The following ADIPOR1 variants were observed in gnomAD, a reference collection of about 807,000 sequenced individuals.
The protein encoded by ADIPOR1 is adiponectin receptor protein 1.
A neutral mutation model predicts 37.5 loss-of-function variants in ADIPOR1; 15 were observed. The ratio of observed to expected loss-of-function variants is 0.40; its 90% confidence interval spans 0.27 to 0.62. The LOEUF is 0.62. ADIPOR1 is among the 20% of genes least tolerant of loss of function. The pLI is 0.42. For synonymous variants in ADIPOR1, 173 were observed against 173.2 expected (o/e 1.00, Z 0.01); for missense variants, 286 against 478.0 (o/e 0.60, Z 3.75).
chr1:202,944,833 C>T (rs958991049), intron 5 of ADIPOR1, 150 bp downstream of exon 5: 2 of 700,874 alleles, frequency 2.9e-6, no homozygotes, highest in Admixed American at 2.5e-5. Context: ...AGCTTCATCA[C>T]CCCACTATCG....
intron 4 of ADIPOR1, 35 bp downstream of exon 4, chr1:202,946,404 A>G: frequency 6.2e-7 from 1 of 1,612,808 alleles, no homozygotes. Context: ...TTAGGGAGAC[A>G]ACAAATTCCA....
At chr1:202,944,768 TCTCC>T in intron 5 of ADIPOR1, 3 of 393,018 alleles carry the variant, frequency 7.6e-6, no homozygotes, top group Middle Eastern at 6.9e-4. Context: ...ACAATTGGTC[TCTCC>T]ATCTGTTGAA....
intron 1 of ADIPOR1, among the ~76,000 whole-genome samples, chr1:202,956,957 A>G (rs1654810049): frequency 6.6e-6 from 1 of 152,212 alleles, no homozygotes; most frequent in African/African-American, 2.4e-5. Flanking sequence ...AATTAGGTAT[A>G]GTTTTGCGGA....
chr1:202,957,371 C>T (rs1385804323), intron 1 of ADIPOR1, among the ~76,000 whole-genome samples: 1 of 152,018 alleles, frequency 6.6e-6, no homozygotes, highest in East Asian at 1.9e-4. Flanking sequence ...TAGTAAAGTA[C>T]CATGGCCTCC....
intron 1 of ADIPOR1, among the ~76,000 whole-genome samples, chr1:202,955,457 GGGATTACA>G (rs1654746657): frequency 6.6e-6 from 1 of 152,074 alleles, no homozygotes; most frequent in South Asian, 2.1e-4. Context: ...CCAAAGTGCT[GGGATTACA>G]GGTATGAGCC....
chr1:202,952,624 C>T (rs1356618200), intron 1 of ADIPOR1, among the ~76,000 whole-genome samples: 1 of 152,174 alleles, frequency 6.6e-6, no homozygotes, highest in Non-Finnish European at 1.5e-5. Context: ...ACTCCAGGTT[C>T]TCCTGCCTTG....
chr1:202,955,425 T>G (rs550116210), intron 1 of ADIPOR1, among the ~76,000 whole-genome samples: 1 of 152,180 alleles, frequency 6.6e-6, no homozygotes, highest in South Asian at 2.1e-4. Context: ...AAGGTCTCAC[T>G]ATGTTGCCCA....
intron 1 of ADIPOR1, 119 bp downstream of exon 1, chr1:202,958,066 T>C (rs1337404614): frequency 1.3e-5 from 2 of 152,178 alleles, no homozygotes; most frequent in Non-Finnish European, 2.9e-5. Context: ...CCGAGCCCCC[T>C]GGCAAGTCGG....
chr1:202,944,278 G>T, intron 5 of ADIPOR1: 1 of 201,290 alleles, frequency 5.0e-6, no homozygotes, highest in Non-Finnish European at 1.0e-5. Context: ...ACTCAGGAAA[G>T]GCTTTGAAAA....
rs369660216 is a variant in ADIPOR1 at position 202,950,952 on chromosome 1, C to T, written c.119G>A (p.Arg40Gln). The T allele has an allele frequency of 1.9e-6, 3 of 1,614,160 alleles. No individual in the cohort carries two copies. Among genetic ancestry groups the T allele is most frequent in the African/African-American group, 2.7e-5 (2 of 75,028 alleles). The change falls in exon 2 of 8, where the codon CGG (arginine) becomes CAG (glutamine). Residue 40 changes from arginine to glutamine, a missense_variant. Coordinates refer to ENST00000340990, the MANE Select transcript of ADIPOR1 (RefSeq NM_015999.6). ...LGPLLEEKGK[R>Q]VIANPPKAEE... ...TACTTTGGGTGGGTTGGCGATTACC[C>T]GTTTGCCCTTCTCTTCTAGCAGGGG...
intron 2 of ADIPOR1, among the ~76,000 whole-genome samples, chr1:202,950,169 G>C (rs7553757): frequency 6.6e-6 from 1 of 152,056 alleles, no homozygotes; most frequent in East Asian, 2.0e-4. Context: ...CACTATGTTG[G>C]CCAGGCTGGT....
At position 202,948,410 on chromosome 1, in the gene ADIPOR1, T is replaced by G; in HGVS notation, c.152A>C (p.Glu51Ala). ...TTCCTGGGGCACTGGGCATGTTTGC[T>G]CTTCTTCAGCCTATGGGGGAAAAAA... The part of the protein sequence containing the change: ...VIANPPKAEE[E>A]QTCPVPQEEE... The change falls in exon 3 of 8, where the codon GAG becomes GCG. Residue 51 changes from glutamate (E) to alanine (A), a missense_variant. Glu to Ala is a moderately radical substitution (Grantham distance 107). Transcript: ENST00000340990. 1.2e-6 allele frequency: 2 copies of G among 1,613,804 alleles called. No homozygotes were observed. The highest frequency in any genetic ancestry group is 1.7e-6 in the Non-Finnish European group (2 of 1,179,832).
rs112936913 is a variant in ADIPOR1, at chr1:202,940,932, T to G, written c.*641A>C. 6.6e-6 allele frequency: 1 copy of G among 152,620 alleles called. No homozygotes were observed. The highest frequency in any genetic ancestry group is 2.4e-5 in the African/African-American group (1 of 41,442). The allele number at this position is 152,620 out of a possible 1,614,324, so 9.5% of individuals were successfully genotyped here. A position where few individuals can be genotyped will look rare whatever the true frequency, so the allele number is the denominator to read the frequency against. ...GCAGGTTTCTTTTTAAAGCTTAGTA[T>G]TAAATATTAAATATCTTTCCCCATT... On this transcript the variant is annotated 3_prime_UTR_variant, in exon 8 of 8. Transcript: ENST00000340990.
chr1:202,941,600 G>A lies in ADIPOR1; in HGVS notation c.1101C>T (p.Gly367=), dbSNP rs751810144. The A allele has an allele frequency of 8.2e-5, 132 of 1,613,894 alleles. No homozygotes were observed. Among genetic ancestry groups the A allele is most frequent in the Non-Finnish European group, 1.1e-4 (130 of 1,180,000 alleles). ...NLQEFRYGLE[G]GCTDDTLL ...AGAGAAGGGTGTCATCAGTACAGCC[G>A]CCTTCTAGGCCGTAACGGAATTCCT... The change falls in exon 8 of 8, where the codon GGC becomes GGT. Residue 367 remains glycine (G), a synonymous_variant. Transcript: ENST00000340990.
At position 202,943,810 on chromosome 1, in the gene ADIPOR1, A is replaced by G. The variant is rs1654195882; in HGVS notation, c.753T>C (p.Ile251=). Residue 251 remains isoleucine, a synonymous_variant, in exon 6 of 8, where the codon ATT becomes ATC. Coordinates refer to ENST00000340990, the MANE Select transcript of ADIPOR1 (RefSeq NM_015999.6). ...TGGCAAACCGGTCCCACTGCGCCAC[A>G]ATGATGGCAGAAATGCCCAGGACAC... ...IVCVLGISAI[I]VAQWDRFATP... is the part of the protein sequence containing the mutation. The G allele has an allele frequency of 1.9e-6, 3 of 1,614,124 alleles. No individual in the cohort carries two copies. The highest frequency in any genetic ancestry group is 2.5e-6 in the Non-Finnish European group (3 of 1,180,038).
intron 6 of ADIPOR1, among the ~76,000 whole-genome samples, chr1:202,942,646 G>T (rs1170672401): frequency 1.3e-5 from 2 of 152,082 alleles, no homozygotes; most frequent in Admixed American, 6.5e-5. Flanking sequence ...TGAGTAGACA[G>T]ATATACCCAG....
chr1:202,944,217 G>T, intron 5 of ADIPOR1: 1 of 296,968 alleles, frequency 3.4e-6, no homozygotes, highest in East Asian at 5.7e-5. Flanking sequence ...TCCCATAGTA[G>T]ACACTTGAAT....
chr1:202,949,579 C>CA (rs57643319), intron 2 of ADIPOR1, among the ~76,000 whole-genome samples: 37,112 of 99,022 alleles, frequency 0.37, 7,139 homozygotes, highest in Middle Eastern at 0.52. Flanking sequence ...ACTCTGTCTC[C>CA]AAAAAAAAAA....
At chr1:202,954,319 CAG>C (rs1187952279) in intron 1 of ADIPOR1, 3 of 152,180 alleles carry the variant, frequency 2.0e-5, no homozygotes, top group African/African-American at 7.2e-5. Context: ...TGTAGTAACA[CAG>C]AGACAGGAAA....
Sources: gnomAD v4.1 joint callset for allele counts (sites outside exome capture counted in the v4.1 genomes callset) on GRCh38, gnomAD v4.1.1 for gene constraint, MANE v1.5 for transcripts, NCBI Gene and HGNC (gene_info 2026-07-23, HGNC 2026-07-21) for gene names.